Variants in PCDHA13 observed in about 807,000 individuals in gnomAD.
The protein encoded by PCDHA13 is protocadherin alpha 13.
Under a neutral mutation model 64.8 loss-of-function variants are expected in PCDHA13, and 54 were observed. The observed-to-expected ratio is 0.83, with a 90% CI of 0.67 to 1.04. PCDHA13 has a LOEUF of 1.04. Among genes scored for constraint, PCDHA13 ranks in the 50% least tolerant of loss-of-function variants. The pLI is 0.00. For synonymous variants in PCDHA13, 587 were observed against 564.4 expected (o/e 1.04, Z -0.57); for missense variants, 1,248 against 1,254.3 (o/e 0.99, Z 0.08).
chr5:140,942,840 T>C (rs75984395), intron 1 of PCDHA13, among the ~76,000 whole-genome samples: 6,117 of 152,206 alleles, frequency 0.04, 136 homozygotes, highest in Non-Finnish European at 0.052. Context: ...CAATAAAAAT[T>C]CCAGTAAGAT....
intron 3 of PCDHA13, among the ~76,000 whole-genome samples, chr5:141,003,942 G>C (rs1054043476): frequency 2.0e-5 from 3 of 152,148 alleles, no homozygotes; most frequent in Non-Finnish European, 2.9e-5. Flanking sequence ...TTGCCTGAGG[G>C]TGAGCTAGGA....
At chr5:140,958,905 A>G (rs1295198062) in intron 1 of PCDHA13, among the ~76,000 whole-genome samples, 1 of 149,390 alleles carries the variant, frequency 6.7e-6, no homozygotes, top group Non-Finnish European at 1.5e-5. Flanking sequence ...AGATACAGAA[A>G]AGTCTGCCTG....
intron 1 of PCDHA13, among the ~76,000 whole-genome samples, chr5:140,977,970 A>G (rs531494024): frequency 2.0e-5 from 3 of 152,332 alleles, no homozygotes; most frequent in South Asian, 4.1e-4. Context: ...ATCTCCGCCC[A>G]TGAAAACGCA....
intron 3 of PCDHA13, among the ~76,000 whole-genome samples, chr5:141,005,884 T>A (rs1554260408): frequency 6.6e-6 from 1 of 151,744 alleles, no homozygotes; most frequent in Non-Finnish European, 1.5e-5. Context: ...GAGTTTGAGG[T>A]TACATCAAGC....
chr5:140,956,132 C>T (rs782171826), intron 1 of PCDHA13, among the ~76,000 whole-genome samples: 1 of 152,028 alleles, frequency 6.6e-6, no homozygotes, highest in African/African-American at 2.4e-5. Context: ...ATTTGAATAC[C>T]CTTTATTTCT....
In PCDHA13 at chr5:140,929,359, C is replaced by T; in HGVS notation, c.2394+44697C>T. 3.3e-6 allele frequency: 5 copies of T among 1,522,308 alleles called. No homozygotes were observed. In the South Asian group the frequency reaches 6.6e-5, roughly 20 times the overall value. 94.3% of individuals were successfully genotyped at this position (1,522,308 alleles called of 1,614,324 possible). ...ATTTTATGGAATTTGATTCCTTTGG[C>T]CCGGAGATGGCTGCTAGCTGTGTTT... On this transcript the variant is annotated intron_variant, in intron 1 of 3. Transcript: ENST00000289272.
chr5:140,953,187 T>A (rs2094856489), intron 1 of PCDHA13, among the ~76,000 whole-genome samples: 1 of 152,148 alleles, frequency 6.6e-6, no homozygotes, highest in South Asian at 2.1e-4. Flanking sequence ...AGAATAAACT[T>A]GATTAGACTA....
chr5:141,004,274 A>T (rs2098160407), intron 3 of PCDHA13, among the ~76,000 whole-genome samples: 1 of 152,212 alleles, frequency 6.6e-6, no homozygotes, highest in Admixed American at 6.5e-5. Flanking sequence ...CACAGTCTAC[A>T]TGCTGCTGAG....
At chr5:140,964,699 G>A (rs2095849795) in intron 1 of PCDHA13, among the ~76,000 whole-genome samples, 1 of 151,922 alleles carries the variant, frequency 6.6e-6, no homozygotes, top group Non-Finnish European at 1.5e-5. Context: ...GAGAGATTAA[G>A]GCCTCCGAGA....
chr5:140,962,061 T>C (rs1554225775), intron 1 of PCDHA13, among the ~76,000 whole-genome samples: 2 of 151,824 alleles, frequency 1.3e-5, no homozygotes, highest in Non-Finnish European at 1.5e-5. Context: ...TTTTTTTGTA[T>C]TTTTTAGTAG....
intron 3 of PCDHA13, among the ~76,000 whole-genome samples, chr5:140,987,698 A>T (rs1213489735): frequency 6.6e-6 from 1 of 152,142 alleles, no homozygotes; most frequent in African/African-American, 2.4e-5. Flanking sequence ...TTTTTAAATG[A>T]TTTTTCCAGG....
intron 1 of PCDHA13, among the ~76,000 whole-genome samples, chr5:140,886,928 C>T (rs2061230435): frequency 6.6e-6 from 1 of 151,686 alleles, no homozygotes; most frequent in African/African-American, 2.4e-5. Flanking sequence ...TCTCTATGTG[C>T]CAGGCATGTT....
In PCDHA13 at chr5:140,883,950, A is replaced by G. The variant is rs373518493; in HGVS notation, c.1682A>G (p.Asn561Ser). ...LQVFVLDENDNAPALLTPGAG... is the reference protein window; with the variant it reads ...LQVFVLDENDSAPALLTPGAG... ...GTGTTCGTGCTGGACGAGAACGACA[A>G]CGCTCCGGCGCTGCTGACGCCCGGG... The change falls in exon 1 of 4, where the codon AAC (asparagine) becomes AGC (serine). Residue 561 changes from asparagine (N) to serine (S), a missense_variant. Coordinates refer to ENST00000289272, the MANE Select transcript of PCDHA13 (RefSeq NM_018904.3). 3 of 1,613,288 alleles carry G rather than the reference A, an allele frequency of 1.9e-6. No homozygotes were observed. The highest frequency in any genetic ancestry group is 1.1e-5 in the South Asian group (1 of 91,064).
chr5:140,892,516 C>T (rs1308217040), intron 1 of PCDHA13, among the ~76,000 whole-genome samples: 1 of 152,222 alleles, frequency 6.6e-6, no homozygotes, highest in East Asian at 1.9e-4. Context: ...TCCACCATGA[C>T]TGGTAGACTC....
At chr5:140,960,148 T>C (rs782110022) in intron 1 of PCDHA13, among the ~76,000 whole-genome samples, 16 of 152,198 alleles carry the variant, frequency 1.1e-4, no homozygotes, top group Admixed American at 4.6e-4. Context: ...ATTAATAGCT[T>C]GAGACTGATA....
intron 1 of PCDHA13, chr5:140,967,767 A>G (rs782195052): frequency 1.2e-6 from 2 of 1,614,216 alleles, no homozygotes; most frequent in East Asian, 2.2e-5. Context: ...TACCAGATCT[A>G]TGTGCAGGCG....
At chr5:140,979,067 A>C (rs1938790025) in intron 2 of PCDHA13, 60 bp downstream of exon 2, 1 of 1,601,882 alleles carries the variant, frequency 6.2e-7, no homozygotes, top group Non-Finnish European at 8.5e-7. Flanking sequence ...GCTCAGATAA[A>C]CTGCATCTCC....
intron 1 of PCDHA13, among the ~76,000 whole-genome samples, chr5:140,948,600 A>G (rs1369107358): frequency 6.6e-6 from 1 of 151,576 alleles, no homozygotes; most frequent in African/African-American, 2.4e-5. Flanking sequence ...TCAATTTATC[A>G]TATTTTTGGC....
chr5:140,908,142 A>T (rs1371459142), intron 1 of PCDHA13, among the ~76,000 whole-genome samples: 1 of 152,158 alleles, frequency 6.6e-6, no homozygotes, highest in East Asian at 1.9e-4. Context: ...TCCTTCAGGT[A>T]TGTCCTAGGA....
Sources: gnomAD v4.1 joint callset for allele counts (sites outside exome capture counted in the v4.1 genomes callset) on GRCh38, gnomAD v4.1.1 for gene constraint, MANE v1.5 for transcripts, NCBI Gene and HGNC (gene_info 2026-07-23, HGNC 2026-07-21) for gene names.